Variants in TFPI observed in about 807,000 individuals in gnomAD.
TFPI encodes the protein anti-convertin.
In TFPI, 15 loss-of-function variants were observed where a neutral mutation model predicts 34.6. The observed-to-expected ratio is 0.43, with a 90% CI of 0.29 to 0.67. The LOEUF (loss-of-function observed/expected upper bound fraction) is 0.67. Ranked by LOEUF, TFPI falls within the 30% of genes least tolerant of loss-of-function variation. The pLI is 0.15. For missense variants in TFPI, 301 were observed against 364.0 expected (o/e 0.83, Z 1.41); for synonymous variants, 105 against 120.1 (o/e 0.87, Z 0.82).
intron 1 of TFPI, among the ~76,000 whole-genome samples, chr2:187,528,159 A>T (rs1687772916): frequency 6.6e-6 from 1 of 152,146 alleles, no homozygotes; most frequent in African/African-American, 2.4e-5. Context: ...CTATCCACAT[A>T]TATAGGAATC....
chr2:187,496,958 T>C lies in TFPI; in HGVS notation c.242A>G (p.Glu81Gly). ...TCCTTCACATCCCCCATATATAAAT[T>C]CTTCGCACTGTCGAGTGAAAATATT... Reference protein sequence around the residue: ...FFNIFTRQCEEFIYGGCEGNQ... With the variant: ...FFNIFTRQCEGFIYGGCEGNQ... The change falls in exon 3 of 8, where the codon GAA becomes GGA. Residue 81 changes from glutamate to glycine, a missense_variant. Physicochemically the swap from Glu to Gly is moderately conservative, Grantham distance 98. Coordinates refer to ENST00000233156, the MANE Select transcript of TFPI (RefSeq NM_006287.6). 2 of 1,613,444 alleles carry C rather than the reference T, an allele frequency of 1.2e-6. No individual in the cohort carries two copies. The highest frequency in any genetic ancestry group is 1.7e-6 in the Non-Finnish European group (2 of 1,179,562).
chr2:187,466,889 T>G lies in TFPI; in HGVS notation c.*47A>C, dbSNP rs775237871. The G allele has an allele frequency of 1.9e-6, 2 of 1,056,448 alleles. No individual in the cohort carries two copies. Among genetic ancestry groups the G allele is most frequent in the South Asian group, 3.0e-5 (2 of 66,188 alleles). 65.4% of individuals were successfully genotyped at this position (1,056,448 alleles called of 1,614,324 possible). A position where few individuals can be genotyped will look rare whatever the true frequency, so the allele number is the denominator to read the frequency against. ...AAATAGAAAATCATAGTGAAACATT[T>G]CATATAAAATATTTAGTAGAATTAA... On this transcript the variant is annotated 3_prime_UTR_variant, in exon 8 of 8. Transcript: ENST00000233156.
chr2:187,503,505 ATT>A, intron 2 of TFPI, 141 bp downstream of exon 2: 2 of 893,056 alleles, frequency 2.2e-6, no homozygotes, highest in Non-Finnish European at 3.3e-6. Flanking sequence ...ACACACATAC[ATT>A]AGGTATAATA....
In TFPI at chr2:187,478,457, CT is replaced by C. The variant is rs533180431; in HGVS notation, c.628+5666del. 29 of 492,768 alleles carry C rather than the reference CT, an allele frequency of 5.9e-5. 1 individual carries two copies. In the South Asian group the frequency reaches 1.0e-3, roughly 17 times the overall value. The allele number at this position is 492,768 out of a possible 1,614,324, so 30.5% of individuals were successfully genotyped here. On this transcript the variant is annotated intron_variant, in intron 6 of 7. Coordinates refer to ENST00000233156, the MANE Select transcript of TFPI (RefSeq NM_006287.6). ...TGTATAAAAATCAGGAAAAAAATGA[CT>C]TTTTTTCCATGAATAGTTAGGTCCG... is the stretch of plus-strand genomic sequence containing the variant.
At chr2:187,495,955 AT>A (rs1685448476) in intron 3 of TFPI, among the ~76,000 whole-genome samples, 1 of 152,084 alleles carries the variant, frequency 6.6e-6, no homozygotes, top group Non-Finnish European at 1.5e-5. Flanking sequence ...AACATTCAAA[AT>A]TTTGGTCAGT....
chr2:187,531,581 A>G (rs1330280775), intron 1 of TFPI, among the ~76,000 whole-genome samples: 2 of 152,128 alleles, frequency 1.3e-5, no homozygotes, highest in African/African-American at 4.8e-5. Flanking sequence ...CTCTTTTGAT[A>G]TGATTTATAT....
intron 1 of TFPI, chr2:187,544,471 C>A (rs1215926680): frequency 6.6e-6 from 1 of 152,102 alleles, no homozygotes; most frequent in East Asian, 1.9e-4. Flanking sequence ...CACAGAGTGA[C>A]TTAAAAACAA....
intron 1 of TFPI, among the ~76,000 whole-genome samples, chr2:187,540,938 C>T (rs564674084): frequency 3.3e-4 from 49 of 148,032 alleles, no homozygotes; most frequent in Non-Finnish European, 5.8e-4. Flanking sequence ...AAATAATAAA[C>T]CTTTAATTAA....
intron 1 of TFPI, among the ~76,000 whole-genome samples, chr2:187,540,890 C>CAAAAAAAAA (rs56921212): frequency 1.2e-5 from 1 of 84,778 alleles, no homozygotes; most frequent in African/African-American, 4.6e-5. Context: ...GACTCCATCT[C>CAAAAAAAAA]AAAAAAAAAA....
chr2:187,493,371 G>GGC (rs1685251185), intron 3 of TFPI, among the ~76,000 whole-genome samples: 1 of 152,102 alleles, frequency 6.6e-6, no homozygotes, highest in Non-Finnish European at 1.5e-5. Flanking sequence ...GAGGACCCTG[G>GGC]GCCGGGTCCA....
chr2:187,496,798 C>A, intron 3 of TFPI, 83 bp downstream of exon 3: 1 of 1,251,862 alleles, frequency 8.0e-7, no homozygotes. Flanking sequence ...CATGAAATTA[C>A]TTTTCTCCCT....
intron 1 of TFPI, chr2:187,518,706 T>C (rs1303512494): frequency 6.6e-6 from 1 of 152,226 alleles, no homozygotes; most frequent in African/African-American, 2.4e-5. Context: ...GTTGGGGAAG[T>C]TCTCCTGGAT....
At chr2:187,532,853 A>G (rs1688040034) in intron 1 of TFPI, among the ~76,000 whole-genome samples, 2 of 152,174 alleles carry the variant, frequency 1.3e-5, no homozygotes, top group Admixed American at 1.3e-4. Context: ...CTCCTAGCAC[A>G]GCAGCCTTAA....
intron 3 of TFPI, among the ~76,000 whole-genome samples, chr2:187,488,959 C>G (rs1406643573): frequency 1.3e-5 from 2 of 151,476 alleles, no homozygotes; most frequent in Non-Finnish European, 3.0e-5. Context: ...TGTTAGTTGT[C>G]TTTGTCCTAC....
intron 1 of TFPI, among the ~76,000 whole-genome samples, chr2:187,530,354 A>T (rs1296563884): frequency 6.6e-6 from 1 of 152,164 alleles, no homozygotes; most frequent in Admixed American, 6.5e-5. Flanking sequence ...CATACTAAAC[A>T]TTCTAAGGGC....
chr2:187,476,340 C>A (rs372842721), intron 6 of TFPI, among the ~76,000 whole-genome samples: 1 of 152,104 alleles, frequency 6.6e-6, no homozygotes, highest in Non-Finnish European at 1.5e-5. Context: ...TCCTGATCAA[C>A]AGATTTTATT....
chr2:187,534,809 T>A (rs1688152875), intron 1 of TFPI, among the ~76,000 whole-genome samples: 1 of 151,634 alleles, frequency 6.6e-6, no homozygotes, highest in South Asian at 2.1e-4. Flanking sequence ...TGGTGTGCTG[T>A]ATTCAGGAGT....
chr2:187,529,123 C>T (rs1370873800), intron 1 of TFPI, among the ~76,000 whole-genome samples: 2 of 152,120 alleles, frequency 1.3e-5, no homozygotes, highest in Admixed American at 1.3e-4. Context: ...AGCCTCAATG[C>T]ATAAGGATGA....
At chr2:187,543,864 A>G (rs961439989) in intron 1 of TFPI, among the ~76,000 whole-genome samples, 3 of 152,134 alleles carry the variant, frequency 2.0e-5, no homozygotes, top group Non-Finnish European at 4.4e-5. Context: ...TCCTCCTTCT[A>G]TTTGTCCTGT....
Sources: allele counts gnomAD v4.1 joint callset (sites outside exome capture counted in the v4.1 genomes callset), GRCh38; gene constraint gnomAD v4.1.1; transcripts MANE v1.5; gene names NCBI Gene and HGNC (gene_info 2026-07-23, HGNC 2026-07-21).